SCRN1: variants seen among roughly 807,000 people sequenced by gnomAD.
SCRN1 encodes secernin 1.
SCRN1 carries 19 observed loss-of-function variants against 43.3 expected under a neutral mutation model. That is an observed-to-expected ratio of 0.44 (90% confidence interval 0.31 to 0.64). The LOEUF is 0.64. SCRN1 is among the 30% of genes least tolerant of loss of function. The pLI is 0.09. For missense variants in SCRN1, 447 were observed against 524.1 expected (o/e 0.85, Z 1.44); for synonymous variants, 183 against 188.9 (o/e 0.97, Z 0.26).
chr7:29,988,271 A>G (rs1789226519), intron 1 of SCRN1, among the ~76,000 whole-genome samples: 2 of 152,228 alleles, frequency 1.3e-5, no homozygotes, highest in Admixed American at 1.3e-4. Context: ...AAAAGACATC[A>G]GCAGCCACAG....
intron 6 of SCRN1, among the ~76,000 whole-genome samples, chr7:29,934,566 C>T (rs1193065974): frequency 1.3e-5 from 2 of 152,214 alleles, no homozygotes; most frequent in Non-Finnish European, 2.9e-5. Flanking sequence ...GGCTATTGAG[C>T]CACCAGCATT....
At chr7:29,986,092 G>C (rs575691629) in intron 1 of SCRN1, among the ~76,000 whole-genome samples, 33 of 152,232 alleles carry the variant, frequency 2.2e-4, no homozygotes, top group South Asian at 4.2e-4. Flanking sequence ...AAAGTTAGCC[G>C]GGCTGTGGTG....
At chr7:29,962,675 GA>G (rs1788365475) in intron 2 of SCRN1, among the ~76,000 whole-genome samples, 1 of 151,780 alleles carries the variant, frequency 6.6e-6, no homozygotes, top group Non-Finnish European at 1.5e-5. Context: ...GTGACAGAGT[GA>G]GACTGTCTCA....
chr7:29,990,216 T>C, upstream of SCRN1: 1 of 1,551,474 alleles, frequency 6.4e-7, no homozygotes, highest in Non-Finnish European at 8.7e-7. Context: ...GAGTCCCTGG[T>C]TTTAAAAGTG....
rs1789303383 is a variant in SCRN1, at chr7:29,989,761, T to TGGCGGA, written c.-127_-122dup. 1.6e-5 allele frequency: 16 copies of TGGCGGA among 986,140 alleles called. No individual in the cohort carries two copies. Among genetic ancestry groups the TGGCGGA allele is most frequent in the Non-Finnish European group, 1.8e-5 (15 of 830,826 alleles). 61.1% of individuals were successfully genotyped at this position (986,140 alleles called of 1,614,324 possible). On this transcript the variant is annotated 5_prime_UTR_variant, in exon 1 of 8. Transcript: ENST00000242059. Reference sequence around the variant, plus strand: ...GCGACCTCGGGGGCTGCAGCTGCAGTGGCGGAGGCGGCCGCCGGGCGCTTC... The same window carrying TGGCGGA: ...GCGACCTCGGGGGCTGCAGCTGCAGTGGCGGAGGCGGAGGCGGCCGCCGGGCGCTTC...
At chr7:29,924,182 AC>A in intron 7 of SCRN1, 67 bp from the exon 8 acceptor site, 2 of 1,519,790 alleles carry the variant, frequency 1.3e-6, no homozygotes, top group Non-Finnish European at 1.8e-6. Context: ...GGACACTGAA[AC>A]CCTCTAGGGG....
intron 6 of SCRN1, among the ~76,000 whole-genome samples, chr7:29,930,433 AT>A (rs1307032904): frequency 1.3e-5 from 2 of 152,138 alleles, no homozygotes; most frequent in East Asian, 1.9e-4. Context: ...ATACTCTGAC[AT>A]TTTCCCACAG....
intron 3 of SCRN1, among the ~76,000 whole-genome samples, chr7:29,954,337 ATATAT>A (rs1384314572): frequency 6.6e-6 from 1 of 151,834 alleles, no homozygotes; most frequent in Non-Finnish European, 1.5e-5. Flanking sequence ...ATTTTTATAT[ATATAT>A]TATATATTTC....
At chr7:29,947,185 G>A (rs1787762181) in intron 3 of SCRN1, 2 of 1,549,736 alleles carry the variant, frequency 1.3e-6, no homozygotes, top group Admixed American at 2.0e-5. Context: ...GCTTTGTCCA[G>A]CTTGCTCTGG....
intron 2 of SCRN1, among the ~76,000 whole-genome samples, chr7:29,961,325 C>T (rs1788302626): frequency 7.5e-6 from 1 of 133,390 alleles, no homozygotes; most frequent in Admixed American, 7.8e-5. Flanking sequence ...TCTTGCACCG[C>T]CCTTAATCCA....
chr7:29,935,024 C>G (rs761018956), intron 6 of SCRN1, among the ~76,000 whole-genome samples: 1 of 152,222 alleles, frequency 6.6e-6, no homozygotes, highest in Non-Finnish European at 1.5e-5. Context: ...TCTCACAATG[C>G]CCAGTGCTCA....
At chr7:29,964,866 C>T (rs891478149) in intron 2 of SCRN1, among the ~76,000 whole-genome samples, 9 of 152,088 alleles carry the variant, frequency 5.9e-5, no homozygotes, top group Admixed American at 2.6e-4. Context: ...CGCTTGAACC[C>T]GAGAGCTGGA....
intron 5 of SCRN1, among the ~76,000 whole-genome samples, chr7:29,937,366 A>C (rs1469922419): frequency 1.3e-5 from 2 of 152,190 alleles, no homozygotes; most frequent in Non-Finnish European, 2.9e-5. Flanking sequence ...GCGGACCACA[A>C]ATGGAATTCC....
chr7:29,941,058 G>GGTCTGACCA (rs1345782897), intron 4 of SCRN1, among the ~76,000 whole-genome samples, 182 bp from the exon 5 acceptor site: 1 of 152,194 alleles, frequency 6.6e-6, no homozygotes, highest in Non-Finnish European at 1.5e-5. Flanking sequence ...CCTCCTAAAA[G>GGTCTGACCA]GTCTGACCAG....
chr7:29,984,483 T>C (rs1435334552), intron 1 of SCRN1, among the ~76,000 whole-genome samples: 1 of 151,968 alleles, frequency 6.6e-6, no homozygotes, highest in Non-Finnish European at 1.5e-5. Context: ...TAATTTCCCT[T>C]AATATATGTA....
chr7:29,988,240 C>A (rs1420474449), intron 1 of SCRN1, among the ~76,000 whole-genome samples: 1 of 152,128 alleles, frequency 6.6e-6, no homozygotes, highest in African/African-American at 2.4e-5. Context: ...AGGTATCAAA[C>A]GACCTCCAGG....
Position 29,921,769 on chromosome 7 carries a change from C to T in SCRN1, c.*2188G>A, listed in dbSNP as rs970999569. 1 of 152,170 alleles carries T rather than the reference C, an allele frequency of 6.6e-6. No individual in the cohort carries two copies. Among genetic ancestry groups the T allele is most frequent in the African/African-American group, 2.4e-5 (1 of 41,432 alleles). The allele number at this position is 152,170 out of a possible 1,614,324, so 9.4% of individuals were successfully genotyped here. A position where few individuals can be genotyped will look rare whatever the true frequency, so the allele number is the denominator to read the frequency against. Reference sequence around the variant, plus strand: ...TTTCCCAATGGGTAATGACATAAAGCGGGTAGGGTTATCCATGGCCTTTGT... The same window carrying T: ...TTTCCCAATGGGTAATGACATAAAGTGGGTAGGGTTATCCATGGCCTTTGT... On this transcript the variant is annotated 3_prime_UTR_variant, in exon 8 of 8. Coordinates refer to ENST00000242059, the MANE Select transcript of SCRN1 (RefSeq NM_014766.5).
chr7:29,925,872 A>C (rs1373462867), intron 7 of SCRN1, among the ~76,000 whole-genome samples: 1 of 150,000 alleles, frequency 6.7e-6, no homozygotes, highest in African/African-American at 2.5e-5. Context: ...AAAAAAAAAA[A>C]CCCTAGGAAT....
chr7:29,967,896 A>C (rs1268438662), intron 2 of SCRN1, among the ~76,000 whole-genome samples: 1 of 152,222 alleles, frequency 6.6e-6, no homozygotes, highest in East Asian at 1.9e-4. Context: ...TGAAAGTTTG[A>C]CAACACATTC....
Sources: allele counts gnomAD v4.1 joint callset (sites outside exome capture counted in the v4.1 genomes callset), GRCh38; gene constraint gnomAD v4.1.1; transcripts MANE v1.5; gene names NCBI Gene and HGNC (gene_info 2026-07-23, HGNC 2026-07-21).